The following FHIT variants were observed in gnomAD, a reference collection of about 807,000 sequenced individuals.
FHIT encodes fragile histidine triad diadenosine triphosphatase.
Under a neutral mutation model 17.9 loss-of-function variants are expected in FHIT, and 19 were observed. That is an observed-to-expected ratio of 1.06 (90% CI 0.74 to 1.56). The LOEUF is 1.56. FHIT is among the 40% of genes most tolerant of loss of function. The probability of loss-of-function intolerance (pLI) is 0.00; values close to 1 mark genes in which losing one functional copy is unlikely to be tolerated. For synonymous variants in FHIT, 81 were observed against 69.7 expected, an observed-to-expected ratio of 1.16 and a Z score of -0.81; for missense variants, 248 against 189.2, an observed-to-expected ratio of 1.31 and a Z score of -1.82.
At chr3:60,205,779 G>T (rs1045808163) in intron 5 of FHIT, among the ~76,000 whole-genome samples, 1 of 151,926 alleles carries the variant, frequency 6.6e-6, no homozygotes, top group African/African-American at 2.4e-5. Flanking sequence ...CATTTTTGGT[G>T]AAATTGTGTT....
intron 5 of FHIT, among the ~76,000 whole-genome samples, chr3:60,421,243 G>A (rs1410263306): frequency 1.3e-5 from 2 of 151,924 alleles, no homozygotes; most frequent in African/African-American, 2.4e-5. Flanking sequence ...CACTTCAACT[G>A]TTTAGCTGCC....
chr3:60,750,311 T>G (rs530798848), intron 4 of FHIT, among the ~76,000 whole-genome samples: 1 of 152,222 alleles, frequency 6.6e-6, no homozygotes, highest in South Asian at 2.1e-4. Flanking sequence ...TGCTTTGACA[T>G]ATGGAGAAAT....
chr3:60,646,071 G>A (rs1425254118), intron 4 of FHIT, among the ~76,000 whole-genome samples: 4 of 152,156 alleles, frequency 2.6e-5, no homozygotes, highest in Non-Finnish European at 5.9e-5. Flanking sequence ...AGCCCAGATG[G>A]TCAGAAAGAA....
intron 3 of FHIT, among the ~76,000 whole-genome samples, chr3:60,828,185 G>A (rs1553741540): frequency 6.6e-6 from 1 of 152,012 alleles, no homozygotes; most frequent in Non-Finnish European, 1.5e-5. Flanking sequence ...TAAAGAACCT[G>A]GCACATGATT....
chr3:60,090,234 T>C (rs1032784722), intron 5 of FHIT, among the ~76,000 whole-genome samples: 1 of 152,106 alleles, frequency 6.6e-6, no homozygotes, highest in African/African-American at 2.4e-5. Flanking sequence ...AGAGACTGCA[T>C]GGTTTCCCAG....
intron 4 of FHIT, among the ~76,000 whole-genome samples, chr3:60,571,328 T>A (rs1576902007): frequency 1.6e-5 from 1 of 62,286 alleles, no homozygotes. Flanking sequence ...AGGGCAAGAC[T>A]CCATCGCAAA....
At chr3:59,944,165 T>C (rs1706677723) in intron 7 of FHIT, among the ~76,000 whole-genome samples, 1 of 152,236 alleles carries the variant, frequency 6.6e-6, no homozygotes, top group African/African-American at 2.4e-5. Flanking sequence ...ACTCTTCATC[T>C]AGTTTCTCAA....
chr3:60,818,419 T>C (rs1553738278), intron 4 of FHIT, among the ~76,000 whole-genome samples: 1 of 152,160 alleles, frequency 6.6e-6, no homozygotes, highest in Admixed American at 6.6e-5. Context: ...TATACTCAAA[T>C]TTAAAACTAT....
chr3:59,813,310 C>G (rs1309594011), intron 8 of FHIT, among the ~76,000 whole-genome samples: 1 of 152,164 alleles, frequency 6.6e-6, no homozygotes, highest in Non-Finnish European at 1.5e-5. Context: ...CATCCCAGGC[C>G]TGCACCACCG....
intron 4 of FHIT, among the ~76,000 whole-genome samples, chr3:60,650,552 C>T (rs970708582): frequency 7.2e-5 from 11 of 152,104 alleles, no homozygotes; most frequent in South Asian, 4.1e-4. Context: ...ATCAGACTTT[C>T]GACATCTGAT....
intron 5 of FHIT, among the ~76,000 whole-genome samples, chr3:60,454,285 T>A (rs1369617154): frequency 2.0e-5 from 3 of 152,152 alleles, no homozygotes; most frequent in Non-Finnish European, 4.4e-5. Context: ...CTGAGGGCAC[T>A]TTCTATTAAA....
At chr3:60,887,884 C>T (rs1225281046) in intron 3 of FHIT, among the ~76,000 whole-genome samples, 4 of 151,998 alleles carry the variant, frequency 2.6e-5, no homozygotes, top group African/African-American at 9.7e-5. Context: ...AGGAAATTTC[C>T]CTTACAAATG....
chr3:61,123,886 T>C (rs1322619353), intron 2 of FHIT, among the ~76,000 whole-genome samples: 1 of 152,094 alleles, frequency 6.6e-6, no homozygotes, highest in Non-Finnish European at 1.5e-5. Context: ...TACAAATACG[T>C]ACAACATGGA....
intron 5 of FHIT, among the ~76,000 whole-genome samples, chr3:60,181,012 A>G (rs970405537): frequency 1.3e-5 from 2 of 152,172 alleles, no homozygotes; most frequent in Admixed American, 6.5e-5. Flanking sequence ...CAGTCTCTTT[A>G]AAGTACCATG....
chr3:60,715,674 T>A (rs1191275668), intron 4 of FHIT, among the ~76,000 whole-genome samples: 2 of 149,784 alleles, frequency 1.3e-5, no homozygotes, highest in East Asian at 4.1e-4. Context: ...TAATGCTAAA[T>A]GATGAGTTAA....
intron 4 of FHIT, among the ~76,000 whole-genome samples, chr3:60,673,660 G>T (rs983155653): frequency 2.6e-4 from 39 of 152,090 alleles, no homozygotes; most frequent in African/African-American, 8.7e-4. Context: ...TACACATCCT[G>T]CACACGTTTC....
At chr3:60,932,041 A>C (rs948983127) in intron 3 of FHIT, among the ~76,000 whole-genome samples, 1 of 152,188 alleles carries the variant, frequency 6.6e-6, no homozygotes, top group Non-Finnish European at 1.5e-5. Flanking sequence ...CTGCCAGGGT[A>C]AGTTTTTCTG....
chr3:60,250,046 A>C (rs1216197393), intron 5 of FHIT, among the ~76,000 whole-genome samples: 1 of 152,118 alleles, frequency 6.6e-6, no homozygotes, highest in East Asian at 1.9e-4. Context: ...CTCTTGACAC[A>C]TGGAGATTAT....
chr3:60,786,922 AATTAAAAG>A (rs1700598920), intron 4 of FHIT, among the ~76,000 whole-genome samples: 1 of 152,128 alleles, frequency 6.6e-6, no homozygotes, highest in East Asian at 1.9e-4. Context: ...TAGTGAGTTA[AATTAAAAG>A]AAGAAAGGGA....
Sources: gnomAD v4.1 joint callset for allele counts (sites outside exome capture counted in the v4.1 genomes callset) on GRCh38, gnomAD v4.1.1 for gene constraint, MANE v1.5 for transcripts, NCBI Gene and HGNC (gene_info 2026-07-23, HGNC 2026-07-21) for gene names.